CLCN5: variants seen among roughly 807,000 people sequenced by gnomAD.
CLCN5 encodes Cl-/H+ antiporter 5.
A neutral mutation model predicts 54.0 loss-of-function variants in CLCN5; 17 were observed. That is an observed-to-expected ratio of 0.31 (90% CI 0.22 to 0.47). The LOEUF (loss-of-function observed/expected upper bound fraction) is 0.47, where lower values mean the gene tolerates loss of function less well. CLCN5 is among the 20% of genes least tolerant of loss of function. The pLI is 1.00. For synonymous variants in CLCN5, 222 were observed against 233.0 expected (o/e 0.95, Z 0.43); for missense variants, 448 against 646.7 (o/e 0.69, Z 3.33).
chrX:50,008,276 ACTAT>A (rs782417651), intron 3 of CLCN5, among the ~76,000 whole-genome samples: 53 of 112,005 alleles, frequency 4.7e-4, no homozygotes, highest in Non-Finnish European at 8.6e-4. Context: ...TTTTGTTGTT[ACTAT>A]CTGAGAGAAC....
At chrX:50,080,791 C>A in intron 8 of CLCN5, 75 bp downstream of exon 8, 1 of 824,372 alleles carries the variant, frequency 1.2e-6, no homozygotes, top group Non-Finnish European at 1.8e-6. Context: ...ATATGTATTC[C>A]AGCACATACC....
At chrX:49,990,204 G>A (rs782058539) in intron 3 of CLCN5, among the ~76,000 whole-genome samples, 25 of 109,667 alleles carry the variant, frequency 2.3e-4, no homozygotes, top group South Asian at 2.0e-3. Context: ...TCGCTCTGTC[G>A]CCCAGGCTGG....
At chrX:49,995,134 A>T (rs10521460) in intron 3 of CLCN5, among the ~76,000 whole-genome samples, 5,296 of 111,564 alleles carry the variant, frequency 0.047, 143 homozygotes, top group Middle Eastern at 0.11. Context: ...GGCATTTGTC[A>T]TTCTAGTAGT....
Position 50,093,418 on chromosome X carries a change from G to A in CLCN5, c.*1199G>A, listed in dbSNP as rs1934164386. The A allele has an allele frequency of 8.9e-6, 1 of 112,116 alleles. No homozygotes were observed. The highest frequency in any genetic ancestry group is 3.8e-4 in the South Asian group (1 of 2,640). 9.2% of individuals were successfully genotyped at this position (112,116 alleles called of 1,213,427 possible). On this transcript the variant is annotated 3_prime_UTR_variant, in exon 15 of 15. Transcript: ENST00000376091. ...AGGTGTTGGAACAGGATAGGCAGCT[G>A]TGACTCCCTCAAGAGTCCTTAGAAT...
intron 3 of CLCN5, among the ~76,000 whole-genome samples, chrX:50,011,811 C>A (rs782774352): frequency 8.9e-6 from 1 of 112,207 alleles, no homozygotes; most frequent in African/African-American, 3.2e-5. Flanking sequence ...TGTGCACACA[C>A]GCACACGTGC....
At chrX:50,088,319 A>G (rs1933964748) in intron 11 of CLCN5, 1 of 207,713 alleles carries the variant, frequency 4.8e-6, no homozygotes, top group South Asian at 8.0e-5. Context: ...TAGGTACTCA[A>G]TAAAGGGTAG....
intron 3 of CLCN5, among the ~76,000 whole-genome samples, chrX:49,976,581 C>T (rs1038980291): frequency 1.8e-5 from 2 of 112,029 alleles, no homozygotes; most frequent in African/African-American, 3.2e-5. Flanking sequence ...TTAATTTGTA[C>T]TCATCTATGC....
chrX:49,933,797 C>T (rs1472879109), intron 3 of CLCN5, among the ~76,000 whole-genome samples: 23 of 112,042 alleles, frequency 2.1e-4, no homozygotes, highest in African/African-American at 4.9e-4. Context: ...ATTTACTGCA[C>T]GTGCTTCTAG....
chrX:50,017,003 G>A (rs185748094), intron 3 of CLCN5, among the ~76,000 whole-genome samples: 1 of 111,242 alleles, frequency 9.0e-6, no homozygotes, highest in Non-Finnish European at 1.9e-5. Flanking sequence ...ATTGTCTGGA[G>A]GCACAAAGTT....
intron 3 of CLCN5, among the ~76,000 whole-genome samples, chrX:50,030,529 C>A (rs1557185735): frequency 9.0e-6 from 1 of 111,496 alleles, no homozygotes; most frequent in Admixed American, 9.6e-5. Flanking sequence ...TATACGCATT[C>A]CTCATTTTTG....
At chrX:50,052,611 T>C (rs782263189) in intron 4 of CLCN5, among the ~76,000 whole-genome samples, 1 of 111,134 alleles carries the variant, frequency 9.0e-6, no homozygotes, top group South Asian at 3.8e-4. Context: ...TTGGGGAAAA[T>C]TGGTATAATT....
intron 7 of CLCN5, among the ~76,000 whole-genome samples, chrX:50,080,245 C>T (rs1933633614): frequency 9.0e-6 from 1 of 111,176 alleles, no homozygotes; most frequent in African/African-American, 3.3e-5. Flanking sequence ...TCTTAAGACT[C>T]TTGGTAAAAT....
intron 14 of CLCN5, among the ~76,000 whole-genome samples, chrX:50,091,439 G>A (rs1275526421): frequency 9.0e-6 from 1 of 111,716 alleles, no homozygotes; most frequent in Non-Finnish European, 1.9e-5. Flanking sequence ...TGAGGAGAGG[G>A]GTGGATTTTT....
intron 6 of CLCN5, among the ~76,000 whole-genome samples, chrX:50,074,192 G>A (rs1042891738): frequency 9.8e-5 from 11 of 112,158 alleles, no homozygotes; most frequent in African/African-American, 3.6e-4. Context: ...GGCGAAAACC[G>A]CAATTGCTTT....
At chrX:50,014,930 G>T (rs1930710445) in intron 3 of CLCN5, among the ~76,000 whole-genome samples, 1 of 111,617 alleles carries the variant, frequency 9.0e-6, no homozygotes, top group Non-Finnish European at 1.9e-5. Context: ...CACACAGGGT[G>T]GTGGGCGGGA....
intron 1 of CLCN5, 107 bp downstream of exon 1, chrX:49,922,899 A>G (rs1303213243): frequency 6.2e-5 from 7 of 112,610 alleles, no homozygotes; most frequent in African/African-American, 1.9e-4. Flanking sequence ...GGGAAGCGCA[A>G]TCCCGCTGGC....
At chrX:49,931,259 A>T (rs1191769148) in intron 3 of CLCN5, among the ~76,000 whole-genome samples, 1 of 111,618 alleles carries the variant, frequency 9.0e-6, no homozygotes, top group Admixed American at 9.6e-5. Flanking sequence ...TATTGTTGCT[A>T]TTTAAAAATT....
intron 3 of CLCN5, among the ~76,000 whole-genome samples, chrX:50,018,847 T>C (rs1197463763): frequency 1.8e-5 from 2 of 112,034 alleles, no homozygotes; most frequent in African/African-American, 6.5e-5. Context: ...TATATTCTCG[T>C]GCTCAATTTG....
At chrX:50,051,146 A>G (rs1932574190) in intron 4 of CLCN5, among the ~76,000 whole-genome samples, 1 of 111,918 alleles carries the variant, frequency 8.9e-6, no homozygotes, top group Non-Finnish European at 1.9e-5. Context: ...GAAGTTTTAT[A>G]GTTTTGCATT....
Sources: allele counts gnomAD v4.1 joint callset (sites outside exome capture counted in the v4.1 genomes callset), GRCh38; gene constraint gnomAD v4.1.1; transcripts MANE v1.5; gene names NCBI Gene and HGNC (gene_info 2026-07-23, HGNC 2026-07-21).